CPSF7: variants seen among roughly 807,000 people sequenced by gnomAD.
CPSF7 encodes cleavage and polyadenylation specificity factor subunit 7.
In CPSF7, 1 loss-of-function variant was observed where a neutral mutation model predicts 44.3. That is an observed-to-expected ratio of 0.02 (90% confidence interval 0.01 to 0.11). The LOEUF (loss-of-function observed/expected upper bound fraction) is 0.11, where lower values mean the gene tolerates loss of function less well. Ranked by LOEUF, CPSF7 falls within the 10% of genes least tolerant of loss-of-function variation. The probability of loss-of-function intolerance (pLI) is 1.00; values close to 1 mark genes in which losing one functional copy is unlikely to be tolerated. For synonymous variants in CPSF7, 202 were observed against 222.0 expected (o/e 0.91, Z 0.80); for missense variants, 443 against 607.2 (o/e 0.73, Z 2.84).
intron 9 of CPSF7, among the ~76,000 whole-genome samples, chr11:61,410,183 G>A (rs143861697): frequency 4.6e-5 from 7 of 151,530 alleles, no homozygotes; most frequent in Non-Finnish European, 8.8e-5. Context: ...CTGCAGCCTC[G>A]ACCTCCTAGG....
At chr11:61,408,534 A>G (rs1859539517) in intron 9 of CPSF7, among the ~76,000 whole-genome samples, 1 of 152,158 alleles carries the variant, frequency 6.6e-6, no homozygotes, top group South Asian at 2.1e-4. Context: ...GCCTCCAAGA[A>G]CTACAGACAG....
chr11:61,429,739 C>G (rs1176016237), intron 1 of CPSF7, 175 bp downstream of exon 1: 2 of 1,544,260 alleles, frequency 1.3e-6, no homozygotes, highest in African/African-American at 2.7e-5. Flanking sequence ...AGGCCCGCCC[C>G]GCTCCCTCCC....
intron 2 of CPSF7, among the ~76,000 whole-genome samples, chr11:61,423,422 C>T (rs985645965): frequency 2.2e-4 from 33 of 152,176 alleles, no homozygotes; most frequent in Admixed American, 1.4e-3. Flanking sequence ...CTGCCCACCT[C>T]GGCCTCCCAA....
intron 2 of CPSF7, among the ~76,000 whole-genome samples, chr11:61,425,429 A>G (rs1861259928): frequency 6.6e-6 from 1 of 152,250 alleles, no homozygotes; most frequent in Non-Finnish European, 1.5e-5. Context: ...TAAACATGAA[A>G]CATATATTTA....
intron 2 of CPSF7, among the ~76,000 whole-genome samples, chr11:61,423,132 G>GAAAAT (rs1320881290): frequency 9.8e-6 from 1 of 101,810 alleles, no homozygotes; most frequent in African/African-American, 3.7e-5. Context: ...AAAAAAAAAG[G>GAAAAT]GTTCAGGATT....
At chr11:61,405,949 C>A (rs923825578) in intron 9 of CPSF7, 1 of 152,148 alleles carries the variant, frequency 6.6e-6, no homozygotes, top group African/African-American at 2.4e-5. Context: ...GCTTCTGAAT[C>A]TTTGAATTCG....
intron 5 of CPSF7, among the ~76,000 whole-genome samples, chr11:61,417,722 A>AAAGGTAT (rs1565109841): frequency 2.0e-5 from 3 of 152,220 alleles, no homozygotes; most frequent in African/African-American, 7.2e-5. Flanking sequence ...TGAAGAACAA[A>AAAGGTAT]AAGGTATAAG....
At position 61,421,439 on chromosome 11, in the gene CPSF7, C is replaced by G. The variant is rs746083429; in HGVS notation, c.224G>C (p.Ser75Thr). 6.2e-7 allele frequency: 1 copy of G among 1,614,184 alleles called. No individual in the cohort carries two copies. The highest frequency in any genetic ancestry group is 2.2e-5 in the East Asian group (1 of 44,882). The part of the protein sequence containing the change: ...NKTPAILYTY[S>T]GLRNRRAAVY... ...GGCAGCTCGTCTATTACGCAGGCCA[C>G]TGTAGGTATACAGAATTGCAGGGGT... The change falls in exon 3 of 10, where the codon AGT becomes ACT. Residue 75 changes from serine to threonine, a missense_variant. Coordinates refer to ENST00000439958, the MANE Select transcript of CPSF7 (RefSeq NM_001142565.3).
At chr11:61,424,957 G>A (rs1344108045) in intron 2 of CPSF7, among the ~76,000 whole-genome samples, 1 of 152,192 alleles carries the variant, frequency 6.6e-6, no homozygotes, top group Non-Finnish European at 1.5e-5. Context: ...ACAGCTCAGA[G>A]ACCAAATGCA....
Position 61,416,414 on chromosome 11 carries a change from G to C in CPSF7, c.629C>G (p.Pro210Arg), listed in dbSNP as rs374077859. 4 of 1,613,994 alleles carry C rather than the reference G, an allele frequency of 2.5e-6. No homozygotes were observed. Among genetic ancestry groups the C allele is most frequent in the Non-Finnish European group, 3.4e-6 (4 of 1,179,952 alleles). The stretch of plus-strand genomic sequence containing the variant: ...ACGATTGAAGTAGGGCAGCACACTG[G>C]GGGGCTTATCCACACGAGCAGATGA... ...VPSSARVDKP[P>R]SVLPYFNRPP... Residue 210 changes from proline to arginine, a missense_variant, in exon 6 of 10, where the codon CCC becomes CGC. Coordinates refer to ENST00000439958, the MANE Select transcript of CPSF7 (RefSeq NM_001142565.3).
intron 5 of CPSF7, 50 bp downstream of exon 5, chr11:61,419,897 CCT>C (rs1590714083): frequency 8.7e-6 from 14 of 1,601,528 alleles, no homozygotes; most frequent in South Asian, 1.1e-5. Context: ...AACACCCCCC[CCT>C]CATACAGATG....
chr11:61,428,350 T>C (rs889728613), intron 2 of CPSF7, among the ~76,000 whole-genome samples: 1 of 152,120 alleles, frequency 6.6e-6, no homozygotes, highest in African/African-American at 2.4e-5. Flanking sequence ...ATCTCGTTGT[T>C]GTTTTTTTTT....
intron 7 of CPSF7, among the ~76,000 whole-genome samples, 190 bp downstream of exon 7, chr11:61,415,476 A>T (rs1266706627): frequency 1.3e-5 from 2 of 152,178 alleles, no homozygotes; most frequent in African/African-American, 2.4e-5. Flanking sequence ...CTAGATACAG[A>T]CTAAGTAATA....
intron 7 of CPSF7, among the ~76,000 whole-genome samples, chr11:61,413,069 A>G (rs1294866400): frequency 6.6e-6 from 1 of 152,012 alleles, no homozygotes; most frequent in African/African-American, 2.4e-5. Context: ...ATCCTCCTGC[A>G]TGCCACTTCA....
chr11:61,409,974 A>C (rs1859703850), intron 9 of CPSF7, among the ~76,000 whole-genome samples: 1 of 152,102 alleles, frequency 6.6e-6, no homozygotes, highest in Non-Finnish European at 1.5e-5. Context: ...TGTCTCAAAA[A>C]AAAAAAGATA....
intron 3 of CPSF7, chr11:61,421,153 A>G (rs1565113921): frequency 7.0e-7 from 1 of 1,424,090 alleles, no homozygotes. Context: ...CCCCAGGGTC[A>G]GGGGCAGTAA....
chr11:61,412,078 G>T, intron 7 of CPSF7, 141 bp from the exon 8 acceptor site: 2 of 645,010 alleles, frequency 3.1e-6, no homozygotes, highest in Non-Finnish European at 5.3e-6. Flanking sequence ...GGCAGATGTT[G>T]CAAGTGTAAA....
At chr11:61,405,164 G>C (rs1042597516) in intron 9 of CPSF7, among the ~76,000 whole-genome samples, 4 of 152,128 alleles carry the variant, frequency 2.6e-5, no homozygotes, top group African/African-American at 9.7e-5. Context: ...TTAGTGGTAA[G>C]AAAACAAGTA....
At chr11:61,415,152 C>T (rs1364543694) in intron 7 of CPSF7, among the ~76,000 whole-genome samples, 1 of 152,096 alleles carries the variant, frequency 6.6e-6, no homozygotes, top group Non-Finnish European at 1.5e-5. Context: ...GCAGGAGAAT[C>T]GCTTGAAACC....
Sources: allele counts gnomAD v4.1 joint callset (sites outside exome capture counted in the v4.1 genomes callset), GRCh38; gene constraint gnomAD v4.1.1; transcripts MANE v1.5; gene names NCBI Gene and HGNC (gene_info 2026-07-23, HGNC 2026-07-21).